ZC3H3: variants seen among roughly 807,000 people sequenced by gnomAD.
ZC3H3 encodes zinc finger CCCH-type containing 3, also known as zinc finger CCCH domain-containing protein 3.
ZC3H3 carries 36 observed loss-of-function variants against 77.3 expected under a neutral mutation model. That is an observed-to-expected ratio of 0.47 (90% CI 0.36 to 0.61). The LOEUF (loss-of-function observed/expected upper bound fraction) is 0.61, where lower values mean the gene tolerates loss of function less well. Ranked by LOEUF, ZC3H3 falls within the 20% of genes least tolerant of loss-of-function variation. ZC3H3 has a pLI of 0.00. For missense variants in ZC3H3, 1,331 were observed against 1,312.2 expected (o/e 1.01, Z -0.22); for synonymous variants, 626 against 555.2 (o/e 1.13, Z -1.79).
intron 4 of ZC3H3, among the ~76,000 whole-genome samples, chr8:143,481,615 G>A (rs1820910855): frequency 6.6e-6 from 1 of 152,196 alleles, no homozygotes; most frequent in Non-Finnish European, 1.5e-5. Context: ...CCGGCGAGGG[G>A]ACATCAGACC....
intron 3 of ZC3H3, among the ~76,000 whole-genome samples, chr8:143,517,222 G>A (rs1302313595): frequency 6.6e-6 from 1 of 152,228 alleles, no homozygotes; most frequent in Admixed American, 6.5e-5. Context: ...AGTTTGCTCC[G>A]TGACAGTTGC....
chr8:143,508,813 TC>T (rs1821789540), intron 3 of ZC3H3, among the ~76,000 whole-genome samples: 1 of 151,692 alleles, frequency 6.6e-6, no homozygotes, highest in African/African-American at 2.4e-5. Flanking sequence ...GTGCCCAGCT[TC>T]CCCTGTGCCC....
chr8:143,471,142 G>A (rs748056250), intron 5 of ZC3H3, among the ~76,000 whole-genome samples: 61 of 152,236 alleles, frequency 4.0e-4, no homozygotes, highest in Non-Finnish European at 6.8e-4. Context: ...ACGATGACCG[G>A]GGCACGCAGG....
chr8:143,518,357 G>C (rs1228695241), intron 3 of ZC3H3, among the ~76,000 whole-genome samples: 2 of 152,248 alleles, frequency 1.3e-5, no homozygotes, highest in East Asian at 1.9e-4. Context: ...GCGGCACGGA[G>C]ACCCAGCTCC....
At chr8:143,492,314 G>T (rs1052072501) in intron 4 of ZC3H3, among the ~76,000 whole-genome samples, 13 of 152,208 alleles carry the variant, frequency 8.5e-5, no homozygotes, top group African/African-American at 2.4e-4. Context: ...TGGCCCAGTG[G>T]GGGGGATCCG....
intron 4 of ZC3H3, among the ~76,000 whole-genome samples, chr8:143,489,751 C>T (rs558828601): frequency 5.3e-5 from 8 of 152,190 alleles, no homozygotes; most frequent in Non-Finnish European, 1.2e-4. Context: ...GCCATTTTTC[C>T]GGTGGAGGCT....
chr8:143,463,790 C>T (rs1171062108), intron 9 of ZC3H3, among the ~76,000 whole-genome samples: 1 of 152,232 alleles, frequency 6.6e-6, no homozygotes, highest in Non-Finnish European at 1.5e-5. Context: ...TGTGTACAAA[C>T]AGGCAGTCTG....
intron 9 of ZC3H3, among the ~76,000 whole-genome samples, chr8:143,461,976 T>C (rs1014506199): frequency 7.1e-6 from 1 of 140,606 alleles, no homozygotes; most frequent in African/African-American, 2.6e-5. Context: ...GTTAAGCTGC[T>C]TTTTTTTTTT....
intron 4 of ZC3H3, among the ~76,000 whole-genome samples, chr8:143,486,619 T>C (rs1321604762): frequency 1.3e-5 from 2 of 152,042 alleles, no homozygotes; most frequent in Non-Finnish European, 2.9e-5. Flanking sequence ...CCATGAAAAG[T>C]GATGAACAAA....
intron 9 of ZC3H3, among the ~76,000 whole-genome samples, chr8:143,459,923 T>C (rs2129845399): frequency 6.6e-6 from 1 of 152,294 alleles, no homozygotes; most frequent in South Asian, 2.1e-4. Context: ...ATGCCCACAG[T>C]TGCCATTTTA....
chr8:143,510,087 A>G (rs576440886), intron 3 of ZC3H3, among the ~76,000 whole-genome samples: 1 of 152,310 alleles, frequency 6.6e-6, no homozygotes, highest in South Asian at 2.1e-4. Flanking sequence ...CAGTGCTGGC[A>G]GTGGTCAGGT....
At chr8:143,478,357 G>C (rs1008548564) in intron 4 of ZC3H3, among the ~76,000 whole-genome samples, 1 of 152,208 alleles carries the variant, frequency 6.6e-6, no homozygotes, top group Non-Finnish European at 1.5e-5. Flanking sequence ...CAGGCCCAGG[G>C]AAGGGCCCGT....
At chr8:143,528,764 CGCCCATGGCCT>C (rs1446843714) in intron 3 of ZC3H3, among the ~76,000 whole-genome samples, 1 of 152,230 alleles carries the variant, frequency 6.6e-6, no homozygotes, top group Non-Finnish European at 1.5e-5. Context: ...CCCACCTTCC[CGCCCATGGCCT>C]GCCCATGGGG....
intron 1 of ZC3H3, 122 bp downstream of exon 1, chr8:143,541,254 C>T: frequency 6.5e-7 from 1 of 1,536,388 alleles, no homozygotes; most frequent in African/African-American, 1.4e-5. Flanking sequence ...TACCGTCCCC[C>T]ACCCCAGCCG....
intron 3 of ZC3H3, among the ~76,000 whole-genome samples, chr8:143,525,731 C>G (rs1291173905): frequency 2.6e-5 from 4 of 152,270 alleles, no homozygotes; most frequent in African/African-American, 9.6e-5. Context: ...GTTTGACCAG[C>G]TGGGATGCCG....
intron 4 of ZC3H3, among the ~76,000 whole-genome samples, chr8:143,497,505 A>G (rs1237336814): frequency 6.6e-6 from 1 of 152,214 alleles, no homozygotes; most frequent in Admixed American, 6.5e-5. Flanking sequence ...CCGACAGGCA[A>G]CAGCCCAGGA....
intron 1 of ZC3H3, among the ~76,000 whole-genome samples, chr8:143,539,887 G>A (rs1027385344): frequency 6.6e-6 from 1 of 152,200 alleles, no homozygotes; most frequent in Non-Finnish European, 1.5e-5. Context: ...CAATGGGCTA[G>A]AGTCCTACTG....
chr8:143,442,086 T>C (rs1380676701), intron 9 of ZC3H3, among the ~76,000 whole-genome samples: 3 of 152,082 alleles, frequency 2.0e-5, no homozygotes, highest in Non-Finnish European at 4.4e-5. Context: ...GCCAGGCACC[T>C]GACCTAAGAA....
At chr8:143,537,327 G>A (rs540443711) in intron 2 of ZC3H3, among the ~76,000 whole-genome samples, 1 of 152,314 alleles carries the variant, frequency 6.6e-6, no homozygotes, top group African/African-American at 2.4e-5. Flanking sequence ...AAGGCCAACT[G>A]CAGCCTCAAC....
Sources: gnomAD v4.1 joint callset for allele counts (sites outside exome capture counted in the v4.1 genomes callset) on GRCh38, gnomAD v4.1.1 for gene constraint, MANE v1.5 for transcripts, NCBI Gene and HGNC (gene_info 2026-07-23, HGNC 2026-07-21) for gene names.